NTF3: variants seen among roughly 807,000 people sequenced by gnomAD.
The protein encoded by NTF3 is neurotrophin 3.
Under a neutral mutation model 26.3 loss-of-function variants are expected in NTF3, and 8 were observed. The observed-to-expected ratio is 0.30, with a 90% CI of 0.18 to 0.55. NTF3 has a LOEUF of 0.55. Among genes scored for constraint, NTF3 ranks in the 20% least tolerant of loss-of-function variants. The pLI is 0.93. For synonymous variants in NTF3, 154 were observed against 145.5 expected, an observed-to-expected ratio of 1.06 and a Z score of -0.42; for missense variants, 276 against 352.9, an observed-to-expected ratio of 0.78 and a Z score of 1.75.
intron 1 of NTF3, among the ~76,000 whole-genome samples, chr12:5,452,147 A>G (rs1940382176): frequency 6.8e-6 from 1 of 147,344 alleles, no homozygotes; most frequent in Non-Finnish European, 1.5e-5. Flanking sequence ...CCGGGCTGGA[A>G]GGCAGTGGCG....
At chr12:5,444,532 G>A (rs1366251429) in intron 1 of NTF3, among the ~76,000 whole-genome samples, 2 of 152,306 alleles carry the variant, frequency 1.3e-5, no homozygotes, top group African/African-American at 2.4e-5. Context: ...GAAGTTCCGT[G>A]GGAGGAGACC....
chr12:5,449,496 A>G (rs1472566769), intron 1 of NTF3, among the ~76,000 whole-genome samples: 1 of 152,074 alleles, frequency 6.6e-6, no homozygotes, highest in African/African-American at 2.4e-5. Context: ...TTCCCAAATG[A>G]TTTCTCTGAA....
At chr12:5,451,794 A>T (rs1940376358) in intron 1 of NTF3, among the ~76,000 whole-genome samples, 2 of 152,142 alleles carry the variant, frequency 1.3e-5, no homozygotes, top group African/African-American at 4.8e-5. Context: ...CCTGGGCTCA[A>T]GCGATCCTCT....
At chr12:5,451,199 G>A (rs774004287) in intron 1 of NTF3, among the ~76,000 whole-genome samples, 14 of 152,170 alleles carry the variant, frequency 9.2e-5, no homozygotes, top group Non-Finnish European at 1.8e-4. Context: ...TTATGGGATT[G>A]TACCCCTCTG....
chr12:5,457,356 C>T (rs1940465051), intron 1 of NTF3, among the ~76,000 whole-genome samples: 1 of 152,138 alleles, frequency 6.6e-6, no homozygotes, highest in African/African-American at 2.4e-5. Flanking sequence ...GCTTAAACCC[C>T]TTGCAATCTG....
chr12:5,432,364 C>T (rs1327549443), intron 1 of NTF3, 22 bp downstream of exon 1: 2 of 1,609,508 alleles, frequency 1.2e-6, no homozygotes, highest in South Asian at 1.1e-5. Flanking sequence ...CGGCGGGCAC[C>T]TTGGGTGGGC....
At chr12:5,457,381 C>G (rs1172345050) in intron 1 of NTF3, among the ~76,000 whole-genome samples, 1 of 152,198 alleles carries the variant, frequency 6.6e-6, no homozygotes, top group African/African-American at 2.4e-5. Flanking sequence ...CTACCATCGC[C>G]TTATCACAGA....
chr12:5,470,950 A>G (rs1169104404), intron 1 of NTF3, among the ~76,000 whole-genome samples: 1 of 151,344 alleles, frequency 6.6e-6, no homozygotes, highest in Admixed American at 6.6e-5. Flanking sequence ...GAAGCTGCAC[A>G]TGTTGTCAAC....
chr12:5,493,867 C>T, intron 1 of NTF3, among the ~76,000 whole-genome samples: 1 of 152,176 alleles, frequency 6.6e-6, no homozygotes, highest in Non-Finnish European at 1.5e-5. Context: ...AACCATGCGT[C>T]TTTGCAGGCT....
At chr12:5,455,458 C>G (rs1045470147) in intron 1 of NTF3, among the ~76,000 whole-genome samples, 1 of 151,828 alleles carries the variant, frequency 6.6e-6, no homozygotes, top group South Asian at 2.1e-4. Flanking sequence ...GGCCTGGCCT[C>G]CCCTTGGACT....
At chr12:5,459,234 AGAGGATG>A (rs1940494401) in intron 1 of NTF3, among the ~76,000 whole-genome samples, 1 of 152,174 alleles carries the variant, frequency 6.6e-6, no homozygotes, top group South Asian at 2.1e-4. Flanking sequence ...AGATGACGTC[AGAGGATG>A]GAGGCCAACC....
chr12:5,467,332 C>A lies in NTF3; in HGVS notation c.19-26862C>A, dbSNP rs147743243. ...AATTTTAAGAGCTGATTTCTGTGATCTTTATCAGACCTCTTCTTCTGTCCT... is the reference window on the plus strand; with the variant it reads ...AATTTTAAGAGCTGATTTCTGTGATATTTATCAGACCTCTTCTTCTGTCCT... On this transcript the variant is annotated intron_variant, in intron 1 of 1. Transcript: ENST00000423158. 7.1e-5 allele frequency among the ~76,000 whole-genome samples: 10 copies of A among 140,620 alleles called. No individual in the cohort carries two copies. The East Asian group carries it at 2.3e-3, about 32-fold the overall frequency. 92.3% of individuals were successfully genotyped at this position (140,620 alleles called of 152,430 possible).
At chr12:5,455,247 G>A (rs376950058) in intron 1 of NTF3, among the ~76,000 whole-genome samples, 2 of 152,164 alleles carry the variant, frequency 1.3e-5, no homozygotes, top group African/African-American at 2.4e-5. Flanking sequence ...CTCTGCACAC[G>A]CAAGCGTGCT....
chr12:5,442,134 G>A (rs1940245436), intron 1 of NTF3, among the ~76,000 whole-genome samples: 1 of 152,214 alleles, frequency 6.6e-6, no homozygotes, highest in South Asian at 2.1e-4. Context: ...GAAGGAGGCA[G>A]TCAGGTTACA....
chr12:5,454,190 C>A (rs917095229), intron 1 of NTF3, among the ~76,000 whole-genome samples: 1 of 151,998 alleles, frequency 6.6e-6, no homozygotes, highest in Non-Finnish European at 1.5e-5. Flanking sequence ...AGCTGCCCCA[C>A]GCCTTCTCCT....
At chr12:5,431,771 G>A (rs1375114536), upstream of NTF3, among the ~76,000 whole-genome samples, 1 of 152,140 alleles carries the variant, frequency 6.6e-6, no homozygotes, top group Non-Finnish European at 1.5e-5. Context: ...ACACTAACAT[G>A]TAACCTGTTA....
chr12:5,431,722 A>G (rs1206764982), upstream of NTF3, among the ~76,000 whole-genome samples: 1 of 152,178 alleles, frequency 6.6e-6, no homozygotes, highest in Non-Finnish European at 1.5e-5. Flanking sequence ...GATCAAAAAG[A>G]AAAATTTCAA....
At chr12:5,444,863 C>T (rs931243320) in intron 1 of NTF3, among the ~76,000 whole-genome samples, 18 of 152,270 alleles carry the variant, frequency 1.2e-4, no homozygotes, top group African/African-American at 3.4e-4. Flanking sequence ...GCAGAGGGAA[C>T]GCAGCAAGCC....
Position 5,494,234 on chromosome 12 carries a change from T to C in NTF3, c.59T>C (p.Val20Ala). ...VNKVMSILFY[V>A]IFLAYLRGIQ... ...AAGGTGATGTCCATCTTGTTTTATG[T>C]GATATTTCTCGCTTATCTCCGTGGC... Residue 20 changes from valine to alanine, a missense_variant, in exon 2 of 2, where the codon GTG becomes GCG. By Grantham distance (64) the Val-to-Ala change is moderately conservative. Transcript: ENST00000423158. The surrounding 1 kb of genome is among the most constrained non-coding windows in gnomAD (Gnocchi z 8.3). 1 of 1,614,090 alleles carries C rather than the reference T, an allele frequency of 6.2e-7. No homozygotes were observed. The highest frequency in any genetic ancestry group is 8.5e-7 in the Non-Finnish European group (1 of 1,180,018).
Sources: allele counts gnomAD v4.1 joint callset (sites outside exome capture counted in the v4.1 genomes callset), GRCh38; gene constraint gnomAD v4.1.1; non-coding constraint Gnocchi (gnomAD v3.1); transcripts MANE v1.5; gene names NCBI Gene and HGNC (gene_info 2026-07-23, HGNC 2026-07-21).